CMSS1: variants seen among roughly 807,000 people sequenced by gnomAD.
CMSS1 encodes the protein protein CMSS1.
A neutral mutation model predicts 43.5 loss-of-function variants in CMSS1; 33 were observed. The observed-to-expected ratio is 0.76, with a 90% CI of 0.57 to 1.01. CMSS1 has a LOEUF of 1.01. CMSS1 is among the 50% of genes least tolerant of loss of function. CMSS1 has a pLI of 0.00. For missense variants in CMSS1, 313 were observed against 326.4 expected, an observed-to-expected ratio of 0.96 and a Z score of 0.32; for synonymous variants, 115 against 117.2, an observed-to-expected ratio of 0.98 and a Z score of 0.12.
At chr3:99,964,556 C>A (rs897244491) in intron 1 of CMSS1, among the ~76,000 whole-genome samples, 1 of 151,878 alleles carries the variant, frequency 6.6e-6, no homozygotes, top group African/African-American at 2.4e-5. Flanking sequence ...TCACTCTGTT[C>A]TTTGCACCAT....
intron 1 of CMSS1, among the ~76,000 whole-genome samples, chr3:99,894,123 CA>C (rs1203816088): frequency 5.3e-5 from 8 of 152,170 alleles, no homozygotes; most frequent in African/African-American, 1.9e-4. Flanking sequence ...GAAAGTAAGA[CA>C]AATCTCCTGC....
At chr3:100,064,740 A>G (rs1435842417) in intron 1 of CMSS1, among the ~76,000 whole-genome samples, 1 of 152,204 alleles carries the variant, frequency 6.6e-6, no homozygotes, top group Non-Finnish European at 1.5e-5. Context: ...ACTCATCTGT[A>G]AGAACATTCT....
chr3:99,861,846 C>T (rs1425132665), intron 1 of CMSS1, among the ~76,000 whole-genome samples: 4 of 152,122 alleles, frequency 2.6e-5, no homozygotes, highest in Non-Finnish European at 5.9e-5. Flanking sequence ...AGCTGAATCC[C>T]GGCTTTCCAA....
intron 1 of CMSS1, among the ~76,000 whole-genome samples, chr3:100,136,732 C>T (rs554738136): frequency 1.3e-5 from 2 of 152,300 alleles, no homozygotes; most frequent in East Asian, 3.9e-4. Flanking sequence ...AAAGTGAGAA[C>T]AGGCATTCTG....
intron 1 of CMSS1, chr3:99,830,210 C>T (rs924650123): frequency 3.4e-6 from 1 of 292,246 alleles, no homozygotes; most frequent in Non-Finnish European, 6.8e-6. Context: ...TGGGTCTAGG[C>T]CTGCGAGTGT....
chr3:99,939,509 C>T (rs928663073), intron 1 of CMSS1, among the ~76,000 whole-genome samples: 5 of 152,212 alleles, frequency 3.3e-5, no homozygotes, highest in Admixed American at 3.3e-4. Context: ...TGTGCCCCTT[C>T]AGCCCAGGGT....
intron 1 of CMSS1, among the ~76,000 whole-genome samples, chr3:100,029,879 A>G (rs1402882606): frequency 6.6e-6 from 1 of 152,204 alleles, no homozygotes; most frequent in Non-Finnish European, 1.5e-5. Context: ...AAATCAAACT[A>G]TATGTCATCT....
chr3:100,035,028 C>T (rs77094402), intron 1 of CMSS1, among the ~76,000 whole-genome samples: 2 of 152,112 alleles, frequency 1.3e-5, no homozygotes, highest in Admixed American at 6.5e-5. Context: ...CTAGGGGGTT[C>T]TCTCCAGATA....
intron 1 of CMSS1, among the ~76,000 whole-genome samples, chr3:99,831,791 A>G (rs1942676577): frequency 6.6e-6 from 1 of 152,216 alleles, no homozygotes; most frequent in African/African-American, 2.4e-5. Flanking sequence ...AGCAATTCAC[A>G]TTTTTAATAA....
intron 1 of CMSS1, among the ~76,000 whole-genome samples, chr3:100,060,775 T>C (rs541595450): frequency 1.3e-5 from 2 of 152,198 alleles, no homozygotes; most frequent in South Asian, 2.1e-4. Context: ...GGTGGGAGGA[T>C]AACGAGCGTG....
At chr3:100,132,454 G>A (rs1196871819) in intron 1 of CMSS1, among the ~76,000 whole-genome samples, 3 of 151,922 alleles carry the variant, frequency 2.0e-5, no homozygotes, top group Admixed American at 2.0e-4. Context: ...AATTAATAGA[G>A]CCATAAAAGT....
At chr3:100,122,500 G>T (rs2066630599) in intron 1 of CMSS1, among the ~76,000 whole-genome samples, 1 of 152,172 alleles carries the variant, frequency 6.6e-6, no homozygotes, top group Non-Finnish European at 1.5e-5. Flanking sequence ...TCCTCCTTAG[G>T]CCAGCTTCAC....
intron 1 of CMSS1, chr3:99,850,213 T>C: frequency 6.2e-7 from 1 of 1,613,258 alleles, no homozygotes; most frequent in Non-Finnish European, 8.5e-7. Flanking sequence ...AGTTAAATCC[T>C]CTTTTAGAGT....
intron 1 of CMSS1, chr3:99,849,950 CTTCTT>C: frequency 6.2e-7 from 1 of 1,612,934 alleles, no homozygotes; most frequent in South Asian, 1.1e-5. Flanking sequence ...TTTCCTTTCT[CTTCTT>C]CCGCTTTCAA....
chr3:99,884,753 AGTTC>A (rs1705838725), intron 1 of CMSS1, among the ~76,000 whole-genome samples: 1 of 152,214 alleles, frequency 6.6e-6, no homozygotes, highest in Non-Finnish European at 1.5e-5. Flanking sequence ...GTTAGCTTTC[AGTTC>A]ATTTTTGTAC....
intron 2 of CMSS1, among the ~76,000 whole-genome samples, chr3:100,155,381 G>A (rs1191369001): frequency 1.3e-5 from 2 of 152,270 alleles, no homozygotes; most frequent in African/African-American, 2.4e-5. Flanking sequence ...GGCTTACTCT[G>A]TTCCTATTGT....
chr3:100,102,366 G>T (rs2066324902), intron 1 of CMSS1, among the ~76,000 whole-genome samples: 1 of 152,174 alleles, frequency 6.6e-6, no homozygotes, highest in Non-Finnish European at 1.5e-5. Context: ...TTTCTCGGGT[G>T]TTAAGAGGAT....
intron 1 of CMSS1, chr3:100,115,072 T>A (rs1559762362): frequency 1.9e-6 from 2 of 1,034,758 alleles, no homozygotes; most frequent in East Asian, 5.2e-5. Flanking sequence ...TACTTAGGAT[T>A]GCTAAAATTT....
chr3:100,126,535 T>A (rs1576089399), intron 1 of CMSS1, among the ~76,000 whole-genome samples: 1 of 152,220 alleles, frequency 6.6e-6, no homozygotes, highest in Non-Finnish European at 1.5e-5. Context: ...CATTATATCT[T>A]TATCATAAGT....
Sources: allele counts gnomAD v4.1 joint callset (sites outside exome capture counted in the v4.1 genomes callset), GRCh38; gene constraint gnomAD v4.1.1; transcripts MANE v1.5; gene names NCBI Gene and HGNC (gene_info 2026-07-23, HGNC 2026-07-21).